The following ZNF208 variants were observed in gnomAD, a reference collection of about 807,000 sequenced individuals.
ZNF208 encodes the protein zinc finger protein 208.
A neutral mutation model predicts 12.1 loss-of-function variants in ZNF208; 10 were observed. The observed-to-expected ratio is 0.83, with a 90% CI of 0.51 to 1.40. The LOEUF (loss-of-function observed/expected upper bound fraction) is 1.40. ZNF208 is among the 40% of genes most tolerant of loss of function. The pLI is 0.00. For missense variants in ZNF208, 1,652 were observed against 1,485.0 expected (o/e 1.11, Z -1.85); for synonymous variants, 497 against 488.4 (o/e 1.02, Z -0.23).
At chr19:21,949,223 T>A (rs777270842) in intron 4 of ZNF208, among the ~76,000 whole-genome samples, 3 of 152,194 alleles carry the variant, frequency 2.0e-5, no homozygotes, top group Non-Finnish European at 4.4e-5. Flanking sequence ...ATCCTTAAGT[T>A]GAAACTTTGC....
Position 21,972,632 on chromosome 19 carries a change from T to A in ZNF208, c.2402A>T (p.Asp801Val), listed in dbSNP as rs139351235. The A allele has an allele frequency of 6.2e-7, 1 of 1,608,638 alleles. No individual in the cohort carries two copies. Among genetic ancestry groups the A allele is most frequent in the Non-Finnish European group, 8.5e-7 (1 of 1,178,122 alleles). The change falls in exon 4 of 4, where the codon GAT becomes GTT. Residue 801 changes from aspartate to valine, a missense_variant. Transcript: ENST00000397126. ...ILIKHKRIHTDEKPYKCEECG... is the reference protein window; with the variant it reads ...ILIKHKRIHTVEKPYKCEECG... The stretch of plus-strand genomic sequence containing the variant: ...TTCTTCACATTTGTAGGGTTTCTCA[T>A]CAGTATGAATTCTCTTATGTTTAAT...
In ZNF208 at chr19:21,978,321, G is replaced by C. The variant is rs1404384771; in HGVS notation, c.227-3514C>G. 4.6e-5 allele frequency among the ~76,000 whole-genome samples: 7 copies of C among 152,198 alleles called. No homozygotes were observed. The East Asian group carries it at 1.2e-3, about 25-fold the overall frequency. On this transcript the variant is annotated intron_variant, in intron 3 of 3. Coordinates refer to ENST00000397126, the MANE Select transcript of ZNF208 (RefSeq NM_007153.3). ...AAGCTGATAGACACCTCGTACAAGA[G>C]AGCTCTGGCTGGCACATGGCAGGTG...
At chr19:21,964,716 T>C (rs1296183400), downstream of ZNF208, among the ~76,000 whole-genome samples, 1 of 151,810 alleles carries the variant, frequency 6.6e-6, no homozygotes, top group Non-Finnish European at 1.5e-5. Flanking sequence ...AAATTTGTGG[T>C]CTGCATGTAC....
chr19:21,977,065 G>C (rs1316835407), intron 3 of ZNF208, among the ~76,000 whole-genome samples: 1 of 152,208 alleles, frequency 6.6e-6, no homozygotes, highest in Non-Finnish European at 1.5e-5. Flanking sequence ...GCACTTTACA[G>C]TGAAACTCCA....
At position 21,968,884 on chromosome 19, in the gene ZNF208, C is replaced by T. The variant is rs1375403987; in HGVS notation, c.*2307G>A. ...ATACATTTTATACATTTTTGCTCTG[C>T]TAAAGACTTCTGTTATTAGGCCAGG... On this transcript the variant is annotated 3_prime_UTR_variant, in exon 4 of 4. Transcript: ENST00000397126. Among the ~76,000 whole-genome samples the T allele has an allele frequency of 1.3e-5, 2 of 152,076 alleles. No individual in the cohort carries two copies. Among genetic ancestry groups the T allele is most frequent in the African/African-American group, 4.8e-5 (2 of 41,424 alleles).
chr19:21,982,552 C>A (rs1412332924), intron 3 of ZNF208, among the ~76,000 whole-genome samples: 1 of 151,966 alleles, frequency 6.6e-6, no homozygotes, highest in East Asian at 1.9e-4. Context: ...GCTCATATAG[C>A]CAAGACAATC....
intron 1 of ZNF208, among the ~76,000 whole-genome samples, chr19:22,005,579 C>T (rs1292844343): frequency 2.0e-5 from 3 of 152,130 alleles, no homozygotes; most frequent in Non-Finnish European, 4.4e-5. Context: ...TGATTCAGGG[C>T]TCAGTCCCAC....
chr19:21,983,224 C>T (rs62112864), intron 3 of ZNF208, among the ~76,000 whole-genome samples: 17,650 of 151,796 alleles, frequency 0.12, 1,378 homozygotes, highest in Middle Eastern at 0.18. Flanking sequence ...CTCAAAAAGA[C>T]ATTTATGTGG....
intron 3 of ZNF208, among the ~76,000 whole-genome samples, chr19:21,976,144 G>T (rs1970427447): frequency 6.6e-6 from 1 of 152,054 alleles, no homozygotes. Context: ...TAACATTTAA[G>T]AGATAAAAGC....
downstream of ZNF208, chr19:21,965,850 A>G (rs1970155012): frequency 6.6e-6 from 1 of 152,076 alleles, no homozygotes; most frequent in East Asian, 1.9e-4. Context: ...AGAGTACAGT[A>G]ACAAATTAAG....
At position 21,978,412 on chromosome 19, in the gene ZNF208, G is replaced by A. The variant is rs369731667; in HGVS notation, c.227-3605C>T. ...TCTTTGCTGTTCTGCAGCCTCCGCT[G>A]GTGATACCCAGGCAAACAGGGTCTA... On this transcript the variant is annotated intron_variant, in intron 3 of 3. Coordinates refer to ENST00000397126, the MANE Select transcript of ZNF208 (RefSeq NM_007153.3). 1.1e-4 allele frequency among the ~76,000 whole-genome samples: 16 copies of A among 152,326 alleles called. No homozygotes were observed. The East Asian group carries it at 2.9e-3, about 28-fold the overall frequency.
In ZNF208 at chr19:21,971,910, A is replaced by AG; in HGVS notation, c.3123dup (p.Ser1042LeufsTer5). 2 of 1,530,404 alleles carry AG rather than the reference A, an allele frequency of 1.3e-6. No individual in the cohort carries two copies. Among genetic ancestry groups the AG allele is most frequent in the Non-Finnish European group, 1.8e-6 (2 of 1,122,450 alleles). The allele number at this position is 1,530,404 out of a possible 1,614,324, so 94.8% of individuals were successfully genotyped here. ...GTTGCCTTATGTTCAGTAAGGCTTG[A>AG]GGGCCAGCTGAAGGCTTTGTCACAT... On this transcript the variant is annotated frameshift_variant, in exon 4 of 4. Transcript: ENST00000397126. LOFTEE classifies it low-confidence loss of function (END_TRUNC).
chr19:21,957,939 C>G (rs887002849), intron 4 of ZNF208, among the ~76,000 whole-genome samples: 3 of 151,836 alleles, frequency 2.0e-5, no homozygotes, highest in African/African-American at 4.8e-5. Context: ...CACCCATTAA[C>G]TCATCATTTA....
intron 3 of ZNF208, among the ~76,000 whole-genome samples, chr19:21,980,168 T>A (rs997328893): frequency 9.9e-5 from 15 of 152,070 alleles, no homozygotes; most frequent in African/African-American, 3.6e-4. Flanking sequence ...GCCAGATCAA[T>A]GACACAAAAA....
At chr19:22,000,322 C>T (rs1309664818) in intron 1 of ZNF208, among the ~76,000 whole-genome samples, 1 of 152,146 alleles carries the variant, frequency 6.6e-6, no homozygotes, top group Non-Finnish European at 1.5e-5. Context: ...AAACAATTCT[C>T]AGCAAATTCA....
At chr19:21,987,926 C>T (rs993127253) in intron 2 of ZNF208, among the ~76,000 whole-genome samples, 7 of 152,122 alleles carry the variant, frequency 4.6e-5, no homozygotes, top group African/African-American at 1.7e-4. Flanking sequence ...CCTGGCACCC[C>T]ACCCTTTGTG....
chr19:22,007,078 G>A (rs1452861327), intron 1 of ZNF208, among the ~76,000 whole-genome samples: 1 of 152,098 alleles, frequency 6.6e-6, no homozygotes, highest in Admixed American at 6.6e-5. Flanking sequence ...ACGAATCTGT[G>A]TAACTCACCA....
chr19:21,950,884 C>T (rs1969878255), intron 4 of ZNF208, among the ~76,000 whole-genome samples: 1 of 152,152 alleles, frequency 6.6e-6, no homozygotes, highest in African/African-American at 2.4e-5. Context: ...ACTGAATCTT[C>T]TTCTGTTTGT....
chr19:21,991,043 A>G (rs1358027149), intron 1 of ZNF208, among the ~76,000 whole-genome samples: 2 of 152,206 alleles, frequency 1.3e-5, no homozygotes, highest in South Asian at 4.1e-4. Flanking sequence ...CAATCATGTC[A>G]TCTGCAAACA....
Sources: gnomAD v4.1 joint callset for allele counts (sites outside exome capture counted in the v4.1 genomes callset) on GRCh38, gnomAD v4.1.1 for gene constraint, MANE v1.5 for transcripts, NCBI Gene and HGNC (gene_info 2026-07-23, HGNC 2026-07-21) for gene names.